ARHGAP15: variants seen among roughly 807,000 people sequenced by gnomAD.
ARHGAP15 encodes the protein Rho GTPase activating protein 15.
A neutral mutation model predicts 63.7 loss-of-function variants in ARHGAP15; 51 were observed. The ratio of observed to expected loss-of-function variants is 0.80; its 90% CI spans 0.64 to 1.01. ARHGAP15 has a LOEUF of 1.01. Ranked by LOEUF, ARHGAP15 falls within the 50% of genes least tolerant of loss-of-function variation. ARHGAP15 has a pLI of 0.00. For synonymous variants in ARHGAP15, 191 were observed against 193.8 expected (o/e 0.99, Z 0.12); for missense variants, 560 against 564.6 (o/e 0.99, Z 0.08).
At chr2:143,281,928 A>G (rs1235726785) in intron 6 of ARHGAP15, among the ~76,000 whole-genome samples, 1 of 152,132 alleles carries the variant, frequency 6.6e-6, no homozygotes, top group Admixed American at 6.6e-5. Context: ...AGTATTCATA[A>G]GCTTATGTAA....
At chr2:143,365,881 G>A (rs1686273197) in intron 6 of ARHGAP15, among the ~76,000 whole-genome samples, 1 of 152,242 alleles carries the variant, frequency 6.6e-6, no homozygotes, top group East Asian at 1.9e-4. Context: ...TACATACTAA[G>A]AACTTAATAG....
At chr2:143,323,448 T>C (rs1684111426) in intron 6 of ARHGAP15, among the ~76,000 whole-genome samples, 3 of 152,164 alleles carry the variant, frequency 2.0e-5, no homozygotes, top group Admixed American at 2.0e-4. Flanking sequence ...GACTTGGACT[T>C]GATGATCACC....
intron 8 of ARHGAP15, among the ~76,000 whole-genome samples, chr2:143,449,444 T>C (rs1304720840): frequency 1.3e-5 from 2 of 152,110 alleles, no homozygotes; most frequent in Admixed American, 1.3e-4. Context: ...GCAAGAATAA[T>C]AGTATTTGAT....
chr2:143,523,758 T>C (rs1028385760), intron 10 of ARHGAP15, among the ~76,000 whole-genome samples: 2 of 152,166 alleles, frequency 1.3e-5, no homozygotes, highest in African/African-American at 4.8e-5. Flanking sequence ...CCTTCATGAT[T>C]CCCGGTTCTG....
chr2:143,322,534 A>G (rs1684071955), intron 6 of ARHGAP15, among the ~76,000 whole-genome samples: 1 of 152,220 alleles, frequency 6.6e-6, no homozygotes, highest in Non-Finnish European at 1.5e-5. Context: ...TGTAATAACA[A>G]CAAAAGGGAT....
chr2:143,387,822 TACACACACACGCATGCAAGC>T lies in ARHGAP15; in HGVS notation c.475-47763_475-47744del, dbSNP rs558966382. Among the ~76,000 whole-genome samples, 869 of 151,002 alleles carry T rather than the reference TACACACACACGCATGCAAGC, an allele frequency of 5.8e-3. 11 individuals are homozygous for T. Among genetic ancestry groups the T allele is most frequent in the South Asian group, 0.034 (163 of 4,764 alleles). ...TTATCTGAAGGTGAAAGAATACACA[TACACACACACGCATGCAAGC>T]ACACACACACGCATGGACGCACATA... On this transcript the variant is annotated intron_variant, in intron 6 of 13. Transcript: ENST00000295095.
chr2:143,464,454 G>T (rs1691108053), intron 8 of ARHGAP15, among the ~76,000 whole-genome samples: 1 of 152,004 alleles, frequency 6.6e-6, no homozygotes, highest in South Asian at 2.1e-4. Flanking sequence ...ATCCTAAAAA[G>T]AATTCTTATT....
intron 8 of ARHGAP15, among the ~76,000 whole-genome samples, chr2:143,467,242 C>CTTTTTTTTTTTTTTTTTTTTTTTTTCTTT (rs202115707): frequency 1.7e-5 from 1 of 57,894 alleles, no homozygotes; most frequent in Non-Finnish European, 3.0e-5. Flanking sequence ...ACTCCATGGC[C>CTTTTTTTTTTTTTTTTTTTTTTTTTCTTT]TTTTTTTTTT....
chr2:143,274,395 A>C (rs994289948), intron 6 of ARHGAP15, among the ~76,000 whole-genome samples: 5 of 152,206 alleles, frequency 3.3e-5, no homozygotes, highest in African/African-American at 4.8e-5. Context: ...TCTGTACTTC[A>C]TTAAGTCACA....
At chr2:143,550,839 T>C (rs948768159) in intron 10 of ARHGAP15, among the ~76,000 whole-genome samples, 22 of 152,058 alleles carry the variant, frequency 1.4e-4, no homozygotes, top group African/African-American at 3.6e-4. Flanking sequence ...AAAATAGTTA[T>C]AAAAAACAAA....
chr2:143,662,207 A>T lies in ARHGAP15; in HGVS notation c.1138+37940A>T, dbSNP rs536865572. ...GAGAGCAGTGGTTCTCCCAGCATGCAGCTGGAGATCTGAGAACGGGCAGAC... is the reference window on the plus strand; with the variant it reads ...GAGAGCAGTGGTTCTCCCAGCATGCTGCTGGAGATCTGAGAACGGGCAGAC... On this transcript the variant is annotated intron_variant, in intron 12 of 13. Transcript: ENST00000295095. Among the ~76,000 whole-genome samples the T allele has an allele frequency of 2.5e-3, 384 of 152,232 alleles. 2 individuals carry two copies. The highest frequency in any genetic ancestry group is 4.2e-3 in the Non-Finnish European group (289 of 68,004).
chr2:143,655,866 C>G (rs1160938842), intron 12 of ARHGAP15, among the ~76,000 whole-genome samples: 1 of 152,002 alleles, frequency 6.6e-6, no homozygotes, highest in African/African-American at 2.4e-5. Flanking sequence ...AACAAGACAA[C>G]TCAGCATTCG....
At chr2:143,590,683 T>C (rs1697286043) in intron 11 of ARHGAP15, among the ~76,000 whole-genome samples, 1 of 152,206 alleles carries the variant, frequency 6.6e-6, no homozygotes, top group African/African-American at 2.4e-5. Context: ...TTCTGTTTTA[T>C]TATCTTTATT....
chr2:143,645,916 A>T (rs1440200832), intron 12 of ARHGAP15, among the ~76,000 whole-genome samples: 1 of 152,074 alleles, frequency 6.6e-6, no homozygotes, highest in Non-Finnish European at 1.5e-5. Context: ...CATTATTCCC[A>T]TTCGTTAGAT....
At chr2:143,260,051 T>C (rs1475494734) in intron 6 of ARHGAP15, among the ~76,000 whole-genome samples, 1 of 152,114 alleles carries the variant, frequency 6.6e-6, no homozygotes, top group African/African-American at 2.4e-5. Context: ...TAATTTAGAA[T>C]GTCAAAAAAG....
At chr2:143,560,026 G>A (rs991385688) in intron 11 of ARHGAP15, among the ~76,000 whole-genome samples, 6 of 152,176 alleles carry the variant, frequency 3.9e-5, no homozygotes, top group African/African-American at 1.4e-4. Context: ...TGATTTTTGA[G>A]ATTTTCAAGA....
chr2:143,487,488 TA>T lies in ARHGAP15; in HGVS notation c.820del (p.Ile274LeufsTer25). 1 of 1,612,602 alleles carries T rather than the reference TA, an allele frequency of 6.2e-7. No individual in the cohort carries two copies. Among genetic ancestry groups the T allele is most frequent in the Non-Finnish European group, 8.5e-7 (1 of 1,179,548 alleles). Reference sequence around the variant, plus strand: ...TGAAAACTCTGCAAGAAAAAGGACTTATTAAAGGTACAGGTCATTTTATACT... The same window carrying T: ...TGAAAACTCTGCAAGAAAAAGGACTTTTAAAGGTACAGGTCATTTTATACT... Reference protein sequence around the residue: ...SLKTLQEKGLIKDQIFGSHLH... With the variant: ...SLKTLQEKGLXKDQIFGSHLH... On this transcript the variant is annotated frameshift_variant, in exon 9 of 14. Transcript: ENST00000295095. LOFTEE classifies it high-confidence loss of function.
At chr2:143,583,342 G>A (rs1696984067) in intron 11 of ARHGAP15, among the ~76,000 whole-genome samples, 1 of 152,178 alleles carries the variant, frequency 6.6e-6, no homozygotes, top group Admixed American at 6.6e-5. Flanking sequence ...GTTCCTGCAA[G>A]ATGTATTAGT....
chr2:143,534,390 G>A (rs1362995677), intron 10 of ARHGAP15, among the ~76,000 whole-genome samples: 1 of 152,080 alleles, frequency 6.6e-6, no homozygotes, highest in Non-Finnish European at 1.5e-5. Context: ...TATGAGCATG[G>A]GCTAATACAG....
Sources: allele counts gnomAD v4.1 joint callset (sites outside exome capture counted in the v4.1 genomes callset), GRCh38; gene constraint gnomAD v4.1.1; transcripts MANE v1.5; gene names NCBI Gene and HGNC (gene_info 2026-07-23, HGNC 2026-07-21).